Variants in CSMD1 observed in about 807,000 individuals in gnomAD.
The protein encoded by CSMD1 is CUB and Sushi multiple domains 1.
A neutral mutation model predicts 417.5 loss-of-function variants in CSMD1; 213 were observed. The ratio of observed to expected loss-of-function variants is 0.51; its 90% CI spans 0.46 to 0.57. CSMD1 has a LOEUF of 0.57. CSMD1 is among the 20% of genes least tolerant of loss of function. The pLI is 0.00. For synonymous variants in CSMD1, 2,862 were observed against 1,736.8 expected, an observed-to-expected ratio of 1.65 and a Z score of -16.11; for missense variants, 6,923 against 4,529.7, an observed-to-expected ratio of 1.53 and a Z score of -15.17.
chr8:3,485,775 AATAAAATAAAATAAAAT>A (rs1174528438), intron 11 of CSMD1, among the ~76,000 whole-genome samples: 43 of 87,442 alleles, frequency 4.9e-4, no homozygotes, highest in African/African-American at 2.0e-3. Flanking sequence ...AATAAAATAA[AATAAAATAAAATAAAAT>A]AAAATAAAAT....
At chr8:3,118,653 G>A in intron 41 of CSMD1, 66 bp from the exon 42 acceptor site, 1 of 1,443,162 alleles carries the variant, frequency 6.9e-7, no homozygotes, top group Non-Finnish European at 9.6e-7. Context: ...GGAATTTGCA[G>A]GAGTGTCATC....
intron 10 of CSMD1, among the ~76,000 whole-genome samples, chr8:3,520,052 G>C (rs1357987052): frequency 1.7e-5 from 2 of 116,676 alleles, no homozygotes; most frequent in Non-Finnish European, 3.4e-5. Flanking sequence ...ACGTATAGTT[G>C]TGAAACTTGC....
intron 3 of CSMD1, among the ~76,000 whole-genome samples, chr8:4,335,959 TCA>T (rs1800144394): frequency 6.6e-6 from 1 of 152,140 alleles, no homozygotes. Flanking sequence ...AGGGAGGCTC[TCA>T]CAGATACATG....
chr8:4,467,997 A>G (rs559243440), intron 2 of CSMD1, among the ~76,000 whole-genome samples: 1 of 152,344 alleles, frequency 6.6e-6, no homozygotes, highest in South Asian at 2.1e-4. Flanking sequence ...CCTAAGCTGT[A>G]GATTTGTGTA....
intron 3 of CSMD1, among the ~76,000 whole-genome samples, chr8:4,353,283 T>C (rs1801204594): frequency 6.6e-6 from 1 of 152,108 alleles, no homozygotes; most frequent in African/African-American, 2.4e-5. Context: ...GATGGTTTTA[T>C]AAAGGGGAGT....
chr8:3,766,512 A>G (rs1232986092), intron 5 of CSMD1, among the ~76,000 whole-genome samples: 1 of 152,148 alleles, frequency 6.6e-6, no homozygotes, highest in African/African-American at 2.4e-5. Flanking sequence ...TTTGCCTCCT[A>G]TAATACTTGG....
chr8:3,850,125 G>A (rs551654204), intron 5 of CSMD1, among the ~76,000 whole-genome samples: 38 of 152,326 alleles, frequency 2.5e-4, no homozygotes, highest in Non-Finnish European at 4.3e-4. Context: ...ACATTTGGGC[G>A]ATGTCGCCAT....
At chr8:4,850,917 T>TCCCC (rs1801439173) in intron 1 of CSMD1, among the ~76,000 whole-genome samples, 4 of 140,546 alleles carry the variant, frequency 2.8e-5, no homozygotes, top group South Asian at 2.4e-4. Context: ...CCCCCCCACT[T>TCCCC]TTTGTGGTTA....
intron 10 of CSMD1, among the ~76,000 whole-genome samples, chr8:3,503,612 T>G (rs1157619288): frequency 2.6e-5 from 4 of 152,208 alleles, no homozygotes; most frequent in Non-Finnish European, 5.9e-5. Flanking sequence ...CAGCTTTAAA[T>G]GGTACATAAA....
intron 5 of CSMD1, among the ~76,000 whole-genome samples, chr8:3,974,107 T>C (rs1813259135): frequency 6.6e-6 from 1 of 152,116 alleles, no homozygotes; most frequent in Admixed American, 6.6e-5. Flanking sequence ...TCTAATTACT[T>C]TTTGTACCCA....
chr8:4,498,316 A>T (rs1275144038), intron 2 of CSMD1, among the ~76,000 whole-genome samples: 2 of 152,062 alleles, frequency 1.3e-5, no homozygotes, highest in East Asian at 3.9e-4. Context: ...ATTTTATTTA[A>T]CTATTTAGAC....
chr8:3,594,044 G>T (rs888506222), intron 8 of CSMD1, among the ~76,000 whole-genome samples: 3 of 152,200 alleles, frequency 2.0e-5, no homozygotes, highest in African/African-American at 7.2e-5. Context: ...TTCAAGAAAA[G>T]GAATGAGAGA....
chr8:4,709,293 A>C (rs1808142381), intron 1 of CSMD1, among the ~76,000 whole-genome samples: 1 of 152,194 alleles, frequency 6.6e-6, no homozygotes, highest in Non-Finnish European at 1.5e-5. Flanking sequence ...TGCAGGTAGA[A>C]GGAGGTGCTG....
chr8:4,309,550 G>T (rs933302436), intron 3 of CSMD1, among the ~76,000 whole-genome samples: 1 of 151,866 alleles, frequency 6.6e-6, no homozygotes, highest in African/African-American at 2.4e-5. Flanking sequence ...TAAATCATAG[G>T]CTCACATCAA....
At chr8:3,235,200 A>T (rs1229650656) in intron 26 of CSMD1, among the ~76,000 whole-genome samples, 1 of 152,226 alleles carries the variant, frequency 6.6e-6, no homozygotes, top group Non-Finnish European at 1.5e-5. Context: ...ATAATAGTAC[A>T]AGAATTTAAA....
intron 1 of CSMD1, among the ~76,000 whole-genome samples, chr8:4,899,516 A>T (rs2117037083): frequency 6.6e-6 from 1 of 152,306 alleles, no homozygotes; most frequent in East Asian, 1.9e-4. Flanking sequence ...TTGTCTCACA[A>T]AATAAGAAGC....
intron 10 of CSMD1, among the ~76,000 whole-genome samples, chr8:3,559,551 G>C (rs190475341): frequency 6.6e-6 from 1 of 152,234 alleles, no homozygotes; most frequent in African/African-American, 2.4e-5. Context: ...TAAAGGAAAA[G>C]AATTGGGTTT....
intron 10 of CSMD1, among the ~76,000 whole-genome samples, chr8:3,516,108 C>G (rs141558699): frequency 2.7e-4 from 41 of 152,266 alleles, no homozygotes; most frequent in African/African-American, 8.4e-4. Flanking sequence ...TGAGTGTGGT[C>G]TCACAGAAAG....
rs1312905183 is a variant in CSMD1 at position 2,937,429 on chromosome 8, G to A, written c.*1156C>T. ...TGCAATATCAAAGATCGATGGCACA[G>A]TAAAAGACAAAAAAAAAAAAAAACA... On this transcript the variant is annotated 3_prime_UTR_variant, in exon 70 of 70. Coordinates refer to ENST00000635120, the MANE Select transcript of CSMD1 (RefSeq NM_033225.6). 1 of 87,744 alleles carries A rather than the reference G, an allele frequency of 1.1e-5. No individual in the cohort carries two copies. The highest frequency in any genetic ancestry group is 3.5e-4 in the East Asian group (1 of 2,836). 5.4% of individuals were successfully genotyped at this position (87,744 alleles called of 1,614,324 possible).
Sources: gnomAD v4.1 joint callset for allele counts (sites outside exome capture counted in the v4.1 genomes callset) on GRCh38, gnomAD v4.1.1 for gene constraint, MANE v1.5 for transcripts, NCBI Gene and HGNC (gene_info 2026-07-23, HGNC 2026-07-21) for gene names.